IGSF5: variants seen among roughly 807,000 people sequenced by gnomAD.
IGSF5 encodes the protein immunoglobulin superfamily 5 like.
IGSF5 carries 41 observed loss-of-function variants against 39.4 expected under a neutral mutation model. That is an observed-to-expected ratio of 1.04 (90% CI 0.81 to 1.35). The LOEUF is 1.35. IGSF5 is among the 40% of genes most tolerant of loss of function. IGSF5 has a pLI of 0.00. For synonymous variants in IGSF5, 183 were observed against 175.3 expected (o/e 1.04, Z -0.34); for missense variants, 487 against 494.6 (o/e 0.98, Z 0.15).
the IGSF5 span, among the ~76,000 whole-genome samples, chr21:39,720,921 T>G: frequency 6.6e-6 from 1 of 152,146 alleles, no homozygotes; most frequent in South Asian, 2.1e-4. Context: ...AATCAGATAC[T>G]TCAAAACAAA....
intron 2 of IGSF5, among the ~76,000 whole-genome samples, chr21:39,747,639 A>G (rs2079982351): frequency 6.6e-6 from 1 of 152,256 alleles, no homozygotes; most frequent in Admixed American, 6.5e-5. Flanking sequence ...AGACCACCTA[A>G]AATTTTGTTC....
intron 2 of IGSF5, among the ~76,000 whole-genome samples, chr21:39,764,351 C>T (rs2080075501): frequency 6.6e-6 from 1 of 152,100 alleles, no homozygotes; most frequent in South Asian, 2.1e-4. Context: ...CCTGCCTTGC[C>T]ATTTTTTTAG....
intron 6 of IGSF5, among the ~76,000 whole-genome samples, chr21:39,788,646 G>A (rs962289661): frequency 1.3e-5 from 2 of 152,226 alleles, no homozygotes; most frequent in African/African-American, 4.8e-5. Context: ...GGCAGTGTTC[G>A]GTGCTCATTC....
intron 3 of IGSF5, among the ~76,000 whole-genome samples, chr21:39,770,315 G>A (rs1015141181): frequency 6.6e-6 from 1 of 152,006 alleles, no homozygotes; most frequent in African/African-American, 2.4e-5. Context: ...CACATGATTT[G>A]GGTTAGTTAT....
rs1480999253 is a variant in IGSF5, at chr21:39,801,567, A to G, written c.*210A>G. Reference sequence around the variant, plus strand: ...TAGAATGTGACTTTTAAGAGGTTTCATGGTTTTTGTGAATTCCATGAAGTT... The same window carrying G: ...TAGAATGTGACTTTTAAGAGGTTTCGTGGTTTTTGTGAATTCCATGAAGTT... On this transcript the variant is annotated 3_prime_UTR_variant, in exon 9 of 9. Transcript: ENST00000380588. 3 of 419,910 alleles carry G rather than the reference A, an allele frequency of 7.1e-6. No individual in the cohort carries two copies. The highest frequency in any genetic ancestry group is 3.9e-5 in the African/African-American group (2 of 50,640). The allele number at this position is 419,910 out of a possible 1,614,324, so 26.0% of individuals were successfully genotyped here.
intron 2 of IGSF5, among the ~76,000 whole-genome samples, chr21:39,757,160 G>A (rs779181173): frequency 6.6e-6 from 1 of 152,088 alleles, no homozygotes; most frequent in Non-Finnish European, 1.5e-5. Flanking sequence ...CTTCCCGGGG[G>A]CTTTTCTCTG....
intron 5 of IGSF5, 111 bp downstream of exon 5, chr21:39,779,416 C>G (rs1488039966): frequency 7.6e-7 from 1 of 1,323,394 alleles, no homozygotes; most frequent in East Asian, 2.3e-5. Context: ...TACAATATCA[C>G]TTTACCTCTA....
At chr21:39,771,450 A>C (rs1335305198) in intron 4 of IGSF5, among the ~76,000 whole-genome samples, 2 of 152,110 alleles carry the variant, frequency 1.3e-5, no homozygotes, top group Non-Finnish European at 2.9e-5. Flanking sequence ...AACCATTTAG[A>C]ATCTTGCCAA....
chr21:39,731,892 A>G, the IGSF5 span, among the ~76,000 whole-genome samples: 10 of 152,230 alleles, frequency 6.6e-5, no homozygotes, highest in Admixed American at 5.9e-4. Context: ...TTATTTGCCA[A>G]TGGAAAACTA....
chr21:39,723,240 T>G, the IGSF5 span, among the ~76,000 whole-genome samples: 11,254 of 152,224 alleles, frequency 0.074, 824 homozygotes, highest in East Asian at 0.24. Flanking sequence ...GGCAAGCCTT[T>G]ATTTCTTGCA....
Position 39,771,137 on chromosome 21 carries a change from A to C in IGSF5, c.640A>C (p.Thr214Pro), listed in dbSNP as rs747640811. The C allele has an allele frequency of 1.2e-6, 2 of 1,609,718 alleles. No homozygotes were observed. Among genetic ancestry groups the C allele is most frequent in the Admixed American group, 1.7e-5 (1 of 59,468 alleles). Reference sequence around the variant, plus strand: ...GACCCCACAGAGCAATGGGACTTTGACTTGCGTGGCTACCTGGAAGAGCCT... The same window carrying C: ...GACCCCACAGAGCAATGGGACTTTGCCTTGCGTGGCTACCTGGAAGAGCCT... ...ALTPQSNGTL[T>P]CVATWKSLKA... The change falls in exon 4 of 9, where the codon ACT becomes CCT. Residue 214 changes from threonine to proline, a missense_variant. Thr to Pro is a conservative substitution (Grantham distance 38). Transcript: ENST00000380588.
In IGSF5 at chr21:39,801,247, C is replaced by T. The variant is rs913978036; in HGVS notation, c.1129-15C>T. On this transcript the variant is annotated splice_polypyrimidine_tract_variant and intron_variant, in intron 8 of 8. Coordinates refer to ENST00000380588, the MANE Select transcript of IGSF5 (RefSeq NM_001080444.2). ...TCAACCCATTAAATTGACTTTTTTCCTCCTCTGTTGCCAGCGGGCTGATCA... is the reference window on the plus strand; with the variant it reads ...TCAACCCATTAAATTGACTTTTTTCTTCCTCTGTTGCCAGCGGGCTGATCA... 5.6e-6 allele frequency: 9 copies of T among 1,609,054 alleles called. No homozygotes were observed. In the African/African-American group the frequency reaches 1.1e-4, roughly 19 times the overall value.
upstream of IGSF5, among the ~76,000 whole-genome samples, chr21:39,744,860 C>T (rs418823): frequency 0.72 from 110,135 of 152,138 alleles, 42,003 homozygotes; most frequent in Non-Finnish European, 0.84. Context: ...ATGCATTTGG[C>T]TCATCCGTGG....
chr21:39,762,383 T>C (rs2080065666), intron 2 of IGSF5, among the ~76,000 whole-genome samples: 1 of 152,166 alleles, frequency 6.6e-6, no homozygotes, highest in Admixed American at 6.5e-5. Context: ...CATAGGTAGA[T>C]TCAAAGATTT....
At chr21:39,726,209 A>G in the IGSF5 span, 1 of 151,912 alleles carries the variant, frequency 6.6e-6, no homozygotes, top group Non-Finnish European at 1.5e-5. Context: ...GAGACCACGA[A>G]GTCAGACCTT....
the IGSF5 span, among the ~76,000 whole-genome samples, chr21:39,713,376 A>G: frequency 1.3e-5 from 2 of 152,210 alleles, no homozygotes; most frequent in African/African-American, 4.8e-5. Flanking sequence ...GGCTGGCTGC[A>G]TGGTCCTTGT....
chr21:39,794,068 C>A (rs180818341), intron 8 of IGSF5, among the ~76,000 whole-genome samples: 2 of 152,172 alleles, frequency 1.3e-5, no homozygotes, highest in Non-Finnish European at 2.9e-5. Flanking sequence ...GTTTGAGGAT[C>A]AGGACAGAGA....
chr21:39,720,174 A>G, the IGSF5 span, among the ~76,000 whole-genome samples: 1 of 152,178 alleles, frequency 6.6e-6, no homozygotes, highest in African/African-American at 2.4e-5. Context: ...CAGGCACTAG[A>G]TTCTTATAAG....
intron 2 of IGSF5, among the ~76,000 whole-genome samples, chr21:39,747,232 C>T (rs959972320): frequency 4.6e-5 from 7 of 152,198 alleles, no homozygotes; most frequent in Non-Finnish European, 8.8e-5. Flanking sequence ...AAGAGCGAAT[C>T]AGAGAGCCAA....
Sources: gnomAD v4.1 joint callset for allele counts (sites outside exome capture counted in the v4.1 genomes callset) on GRCh38, gnomAD v4.1.1 for gene constraint, MANE v1.5 for transcripts, NCBI Gene and HGNC (gene_info 2026-07-23, HGNC 2026-07-21) for gene names.